Variants in RAD51B observed in about 807,000 individuals in gnomAD.
The protein encoded by RAD51B is RAD51 paralog B.
A neutral mutation model predicts 42.2 loss-of-function variants in RAD51B; 38 were observed. That is an observed-to-expected ratio of 0.90 (90% CI 0.70 to 1.18). The LOEUF (loss-of-function observed/expected upper bound fraction) is 1.18. Ranked by LOEUF, RAD51B falls within the 50% of genes most tolerant of loss-of-function variation. The probability of loss-of-function intolerance (pLI) is 0.00; values close to 1 mark genes in which losing one functional copy is unlikely to be tolerated. For missense variants in RAD51B, 373 were observed against 400.7 expected (o/e 0.93, Z 0.59); for synonymous variants, 154 against 145.2 (o/e 1.06, Z -0.43).
intron 10 of RAD51B, among the ~76,000 whole-genome samples, chr14:68,635,683 C>T (rs1273285661): frequency 6.6e-6 from 1 of 152,028 alleles, no homozygotes; most frequent in African/African-American, 2.4e-5. Context: ...TCTTCAATAT[C>T]CAGAGTATAT....
chr14:68,016,357 A>G (rs1407895249), intron 7 of RAD51B, among the ~76,000 whole-genome samples: 1 of 152,110 alleles, frequency 6.6e-6, no homozygotes, highest in Non-Finnish European at 1.5e-5. Context: ...GGCCACCAAC[A>G]TGATACAACT....
At chr14:68,534,612 C>T (rs188627449) in intron 10 of RAD51B, among the ~76,000 whole-genome samples, 24 of 152,038 alleles carry the variant, frequency 1.6e-4, no homozygotes, top group South Asian at 4.2e-4. Flanking sequence ...TTGGTGAAGG[C>T]GCGAAGATGA....
chr14:68,373,538 A>G (rs1322768319), intron 8 of RAD51B, among the ~76,000 whole-genome samples: 1 of 152,178 alleles, frequency 6.6e-6, no homozygotes, highest in Non-Finnish European at 1.5e-5. Flanking sequence ...CAAACACTGC[A>G]TGTTCTCAGT....
intron 7 of RAD51B, among the ~76,000 whole-genome samples, chr14:68,264,501 A>G (rs2080950210): frequency 6.6e-6 from 1 of 152,210 alleles, no homozygotes; most frequent in Non-Finnish European, 1.5e-5. Flanking sequence ...AGCCAGTGAG[A>G]GATGCTTTGG....
chr14:68,255,715 T>C (rs867573361), intron 7 of RAD51B, among the ~76,000 whole-genome samples: 6 of 152,350 alleles, frequency 3.9e-5, no homozygotes, highest in African/African-American at 1.2e-4. Context: ...TCTGCTGCAA[T>C]GTAATAGTCA....
At chr14:67,986,104 G>A (rs760586485) in intron 7 of RAD51B, among the ~76,000 whole-genome samples, 1 of 152,144 alleles carries the variant, frequency 6.6e-6, no homozygotes, top group Non-Finnish European at 1.5e-5. Flanking sequence ...TGCTGTGTGC[G>A]CAAGTTGAGT....
rs184084535 is a variant in RAD51B, at chr14:68,193,478, T to C, written c.757-98406T>C. Among the ~76,000 whole-genome samples the C allele has an allele frequency of 7.2e-5, 11 of 152,298 alleles. No individual in the cohort carries two copies. In the East Asian group the frequency reaches 1.5e-3, roughly 21 times the overall value. ...CTTGGCACAAAATTGCATGCATCTC[T>C]TGTTTTCTCATAACTGGATGGAAAC... is the stretch of plus-strand genomic sequence containing the variant. On this transcript the variant is annotated intron_variant, in intron 7 of 10. Transcript: ENST00000471583.
At chr14:68,508,017 G>A (rs1885464869) in intron 10 of RAD51B, among the ~76,000 whole-genome samples, 1 of 152,220 alleles carries the variant, frequency 6.6e-6, no homozygotes, top group Non-Finnish European at 1.5e-5. Context: ...CGCTCCCTGG[G>A]AAGCAGAAGC....
At chr14:68,671,907 C>T (rs1159734849) in intron 11 of RAD51B, among the ~76,000 whole-genome samples, 1 of 152,186 alleles carries the variant, frequency 6.6e-6, no homozygotes, top group Non-Finnish European at 1.5e-5. Context: ...GTTCCAGGTG[C>T]TGCCTTCTTG....
chr14:68,564,368 G>A (rs955643248), intron 10 of RAD51B, among the ~76,000 whole-genome samples: 2 of 152,184 alleles, frequency 1.3e-5, no homozygotes, highest in African/African-American at 4.8e-5. Flanking sequence ...AGGTCATGCC[G>A]CACAGGCCTA....
At chr14:68,333,353 C>T (rs1439034686) in intron 8 of RAD51B, among the ~76,000 whole-genome samples, 1 of 152,188 alleles carries the variant, frequency 6.6e-6, no homozygotes, top group Non-Finnish European at 1.5e-5. Flanking sequence ...AAAATGAGAT[C>T]CCACTCTTGC....
intron 7 of RAD51B, among the ~76,000 whole-genome samples, chr14:68,215,769 T>C (rs1405280346): frequency 2.0e-5 from 3 of 152,216 alleles, no homozygotes; most frequent in Non-Finnish European, 2.9e-5. Flanking sequence ...ATCCTGTAGC[T>C]GCTTCACTGG....
intron 8 of RAD51B, among the ~76,000 whole-genome samples, chr14:68,303,465 A>C (rs1412364148): frequency 1.3e-5 from 2 of 150,932 alleles, no homozygotes; most frequent in Admixed American, 6.6e-5. Context: ...AATAAAAAAA[A>C]AAAAAAAAAA....
At chr14:68,206,124 G>GC (rs1026023864) in intron 7 of RAD51B, among the ~76,000 whole-genome samples, 1 of 152,004 alleles carries the variant, frequency 6.6e-6, no homozygotes, top group Non-Finnish European at 1.5e-5. Flanking sequence ...AAGAATTTAA[G>GC]CCCCCCCTCT....
At chr14:68,371,104 T>A (rs1326928035) in intron 8 of RAD51B, among the ~76,000 whole-genome samples, 1 of 152,016 alleles carries the variant, frequency 6.6e-6, no homozygotes, top group African/African-American at 2.4e-5. Context: ...GTGTATTTTT[T>A]ATCTTAAACA....
chr14:68,007,294 T>C (rs1248361146), intron 7 of RAD51B, among the ~76,000 whole-genome samples: 1 of 152,146 alleles, frequency 6.6e-6, no homozygotes, highest in Non-Finnish European at 1.5e-5. Context: ...TTTTACTTTT[T>C]GTCTATTATC....
intron 7 of RAD51B, among the ~76,000 whole-genome samples, chr14:68,036,753 C>CT (rs927073295): frequency 3.9e-4 from 59 of 151,530 alleles, no homozygotes; most frequent in Admixed American, 2.0e-3. Context: ...GGTTTAGTGC[C>CT]TTTTTTTTAA....
chr14:67,951,463 T>C (rs2074445397), intron 7 of RAD51B, among the ~76,000 whole-genome samples: 2 of 152,224 alleles, frequency 1.3e-5, no homozygotes, highest in African/African-American at 2.4e-5. Flanking sequence ...TAGACTTTAA[T>C]GTAGTACCCA....
intron 4 of RAD51B, among the ~76,000 whole-genome samples, chr14:67,862,309 T>C (rs1345029060): frequency 6.6e-6 from 1 of 152,060 alleles, no homozygotes; most frequent in Non-Finnish European, 1.5e-5. Flanking sequence ...CCATGATACA[T>C]ATCTGGTGGC....
Sources: allele counts gnomAD v4.1 joint callset (sites outside exome capture counted in the v4.1 genomes callset), GRCh38; gene constraint gnomAD v4.1.1; transcripts MANE v1.5; gene names NCBI Gene and HGNC (gene_info 2026-07-23, HGNC 2026-07-21).